Variants in CPB1 observed in about 807,000 individuals in gnomAD.
CPB1 encodes the protein carboxypeptidase B1.
A neutral mutation model predicts 51.4 loss-of-function variants in CPB1; 53 were observed. That is an observed-to-expected ratio of 1.03 (90% CI 0.83 to 1.30). The LOEUF is 1.30. Among genes scored for constraint, CPB1 ranks in the 50% most tolerant of loss-of-function variants. CPB1 has a pLI of 0.00. For missense variants in CPB1, 494 were observed against 516.2 expected, an observed-to-expected ratio of 0.96 and a Z score of 0.42; for synonymous variants, 189 against 186.9, an observed-to-expected ratio of 1.01 and a Z score of -0.09.
Position 148,844,426 on chromosome 3 carries a change from AG to A in CPB1, c.577-51del, listed in dbSNP as rs771635241. Reference sequence around the variant, plus strand: ...TTCAACAGTCTTTGTAAATTTTAACAGCATCATAATTCCATTTTTCCATGAA... The same window carrying A: ...TTCAACAGTCTTTGTAAATTTTAACACATCATAATTCCATTTTTCCATGAA... On this transcript the variant is annotated intron_variant, in intron 6 of 10. Transcript: ENST00000282957. 126 of 1,349,666 alleles carry A rather than the reference AG, an allele frequency of 9.3e-5. 3 individuals carry two copies. Among genetic ancestry groups the A allele is most frequent in the African/African-American group, 2.6e-4 (18 of 69,428 alleles). 83.6% of individuals were successfully genotyped at this position (1,349,666 alleles called of 1,614,324 possible). A position where few individuals can be genotyped will look rare whatever the true frequency, so the allele number is the denominator to read the frequency against.
At chr3:148,849,942 T>G (rs1050229053) in intron 9 of CPB1, among the ~76,000 whole-genome samples, 1 of 152,338 alleles carries the variant, frequency 6.6e-6, no homozygotes, top group South Asian at 2.1e-4. Context: ...GGCCACATGC[T>G]ATGGTGGTAC....
chr3:148,831,524 C>T (rs1712737621), intron 2 of CPB1, among the ~76,000 whole-genome samples: 1 of 152,034 alleles, frequency 6.6e-6, no homozygotes, highest in Non-Finnish European at 1.5e-5. Context: ...TTTTATTGGC[C>T]AATCTTATTC....
intron 3 of CPB1, 120 bp downstream of exon 3, chr3:148,834,742 A>C: frequency 1.1e-6 from 1 of 892,218 alleles, no homozygotes; most frequent in Admixed American, 2.7e-5. Flanking sequence ...AGGACCCCAC[A>C]AATAGGTAAT....
In CPB1 at chr3:148,853,148, A is replaced by G. The variant is rs182101435; in HGVS notation, c.982-4309A>G. On this transcript the variant is annotated intron_variant, in intron 9 of 10. Coordinates refer to ENST00000282957, the MANE Select transcript of CPB1 (RefSeq NM_001871.3). ...ACCCATAGGGATGGCTAAACTCAGAACTTTCAGTTAGAAACAAAGTTCTAC... is the reference window on the plus strand; with the variant it reads ...ACCCATAGGGATGGCTAAACTCAGAGCTTTCAGTTAGAAACAAAGTTCTAC... Among the ~76,000 whole-genome samples, 12 of 150,562 alleles carry G rather than the reference A, an allele frequency of 8.0e-5. No homozygotes were observed. The East Asian group carries it at 2.3e-3, about 29-fold the overall frequency.
At position 148,836,414 on chromosome 3, in the gene CPB1, A is replaced by G. The variant is rs540265151; in HGVS notation, c.272+1792A>G. ...TCCTTGGAGCCTTCAGTAGCATTCA[A>G]AAAGATGAGTTTCTTTGTAATTCTT... is the stretch of plus-strand genomic sequence containing the variant. On this transcript the variant is annotated intron_variant, in intron 3 of 10. Transcript: ENST00000282957. Among the ~76,000 whole-genome samples, 17 of 152,360 alleles carry G rather than the reference A, an allele frequency of 1.1e-4. 1 individual carries two copies. Among genetic ancestry groups the G allele is most frequent in the Middle Eastern group, 3.4e-3 (1 of 294 alleles).
At chr3:148,840,186 T>C (rs925885509) in intron 3 of CPB1, among the ~76,000 whole-genome samples, 1 of 152,192 alleles carries the variant, frequency 6.6e-6, no homozygotes, top group African/African-American at 2.4e-5. Flanking sequence ...CCAGACAAGA[T>C]ATTTTTCTCA....
chr3:148,833,847 C>G (rs1485172410), intron 2 of CPB1, among the ~76,000 whole-genome samples: 2 of 152,062 alleles, frequency 1.3e-5, no homozygotes, highest in African/African-American at 4.8e-5. Context: ...GTCTCAGACA[C>G]AGAGCCTAGC....
At chr3:148,857,873 CG>C (rs977187639) in intron 10 of CPB1, among the ~76,000 whole-genome samples, 14 of 151,842 alleles carry the variant, frequency 9.2e-5, no homozygotes, top group Admixed American at 9.2e-4. Flanking sequence ...CACTCCAGCC[CG>C]GGTGACAGAG....
chr3:148,854,958 G>A (rs1270331526), intron 9 of CPB1: 6 of 152,194 alleles, frequency 3.9e-5, no homozygotes, highest in African/African-American at 7.2e-5. Flanking sequence ...GAGAGAAAGA[G>A]GATTCCAGTG....
At position 148,827,903 on chromosome 3, in the gene CPB1, G is replaced by T. The variant is rs1712618550; in HGVS notation, c.71+9G>T. 1 of 1,613,978 alleles carries T rather than the reference G, an allele frequency of 6.2e-7. No homozygotes were observed. The highest frequency in any genetic ancestry group is 8.5e-7 in the Non-Finnish European group (1 of 1,180,014). On this transcript the variant is annotated intron_variant, in intron 1 of 10. Transcript: ENST00000282957. Reference sequence around the variant, plus strand: ...GGTGAGCACTTTGAAGGGTAAGTAAGCCATCTTTAAGGAGCAAGTCCTTCT... The same window carrying T: ...GGTGAGCACTTTGAAGGGTAAGTAATCCATCTTTAAGGAGCAAGTCCTTCT...
intron 3 of CPB1, among the ~76,000 whole-genome samples, chr3:148,840,264 G>A (rs7639856): frequency 0.099 from 15,020 of 152,060 alleles, 1,010 homozygotes; most frequent in African/African-American, 0.17. Flanking sequence ...TTCCTGAAAC[G>A]CAAGACTTTT....
At chr3:148,840,997 C>A in intron 5 of CPB1, 22 bp downstream of exon 5, 1 of 1,585,594 alleles carries the variant, frequency 6.3e-7, no homozygotes, top group South Asian at 1.1e-5. Context: ...TAACCATGAC[C>A]TTGCCATGTC....
chr3:148,859,449 A>C (rs1713686986), intron 10 of CPB1, among the ~76,000 whole-genome samples: 1 of 152,124 alleles, frequency 6.6e-6, no homozygotes. Context: ...CCGGGTTTAG[A>C]GTTTTCTCCT....
At chr3:148,836,220 G>A (rs1712897781) in intron 3 of CPB1, among the ~76,000 whole-genome samples, 1 of 151,878 alleles carries the variant, frequency 6.6e-6, no homozygotes. Context: ...GCCTCACAAA[G>A]CTTAGCTATG....
At chr3:148,830,607 C>T (rs1319537375) in intron 2 of CPB1, among the ~76,000 whole-genome samples, 2 of 152,120 alleles carry the variant, frequency 1.3e-5, no homozygotes, top group African/African-American at 4.8e-5. Context: ...ATTTATATGG[C>T]TAGTATAATC....
chr3:148,842,593 A>G (rs533111173), intron 6 of CPB1, among the ~76,000 whole-genome samples: 11 of 152,224 alleles, frequency 7.2e-5, no homozygotes, highest in African/African-American at 2.2e-4. Context: ...TACAACTAAT[A>G]TATGTACAAA....
At chr3:148,837,219 G>A (rs1712930419) in intron 3 of CPB1, among the ~76,000 whole-genome samples, 1 of 152,116 alleles carries the variant, frequency 6.6e-6, no homozygotes, top group Non-Finnish European at 1.5e-5. Flanking sequence ...ACTTGATTCA[G>A]GGAGACTGAT....
At chr3:148,836,181 G>T (rs1470654380) in intron 3 of CPB1, among the ~76,000 whole-genome samples, 4 of 151,810 alleles carry the variant, frequency 2.6e-5, no homozygotes, top group Non-Finnish European at 5.9e-5. Flanking sequence ...AGAGTCAACA[G>T]TAACTGCTAT....
chr3:148,857,187 G>C (rs142436914), intron 9 of CPB1: 339 of 251,046 alleles, frequency 1.4e-3, no homozygotes, highest in African/African-American at 7.5e-3. Flanking sequence ...CTTGTCTCCT[G>C]CTTTTCTGTT....
Sources: gnomAD v4.1 joint callset for allele counts (sites outside exome capture counted in the v4.1 genomes callset) on GRCh38, gnomAD v4.1.1 for gene constraint, MANE v1.5 for transcripts, NCBI Gene and HGNC (gene_info 2026-07-23, HGNC 2026-07-21) for gene names.